PCNX2: variants seen among roughly 807,000 people sequenced by gnomAD.
PCNX2 encodes the protein pecanex 2.
A neutral mutation model predicts 223.8 loss-of-function variants in PCNX2; 168 were observed. The ratio of observed to expected loss-of-function variants is 0.75; its 90% confidence interval spans 0.66 to 0.85. The LOEUF (loss-of-function observed/expected upper bound fraction) is 0.85. Ranked by LOEUF, PCNX2 falls within the 40% of genes least tolerant of loss-of-function variation. The pLI is 0.00. For synonymous variants in PCNX2, 1,006 were observed against 1,052.6 expected, an observed-to-expected ratio of 0.96 and a Z score of 0.86; for missense variants, 2,507 against 2,675.5, an observed-to-expected ratio of 0.94 and a Z score of 1.39.
intron 17 of PCNX2, among the ~76,000 whole-genome samples, chr1:233,173,360 T>G (rs1679274419): frequency 6.6e-6 from 1 of 152,168 alleles, no homozygotes; most frequent in African/African-American, 2.4e-5. Context: ...GAGATGGGGT[T>G]TCACCATGTT....
intron 1 of PCNX2, among the ~76,000 whole-genome samples, chr1:233,267,961 G>C (rs905651733): frequency 5.3e-5 from 8 of 152,086 alleles, no homozygotes; most frequent in Admixed American, 5.2e-4. Context: ...GTTCAGGCTG[G>C]AGTGCAGTGG....
chr1:233,186,734 T>G (rs566135568), intron 15 of PCNX2, among the ~76,000 whole-genome samples: 3 of 152,196 alleles, frequency 2.0e-5, no homozygotes, highest in Non-Finnish European at 4.4e-5. Context: ...TTTTCTTCAT[T>G]TTGGTGAAAA....
intron 21 of PCNX2, among the ~76,000 whole-genome samples, chr1:233,102,305 T>C (rs1674531031): frequency 1.3e-5 from 2 of 152,196 alleles, no homozygotes; most frequent in African/African-American, 4.8e-5. Context: ...GTTGATTCCA[T>C]ATTTTGGCTG....
chr1:233,140,097 TTGATTTCTTCATATATAATTTACTGA>T (rs1677021098), intron 19 of PCNX2, among the ~76,000 whole-genome samples: 1 of 28,940 alleles, frequency 3.5e-5, no homozygotes, highest in East Asian at 9.8e-4. Context: ...TTCAAGTCAA[TTGATTTCTTCATATATAATTTACTGA>T]GACCAATGAA....
intron 28 of PCNX2, among the ~76,000 whole-genome samples, chr1:233,010,286 C>T (rs2102810799): frequency 6.6e-6 from 1 of 152,326 alleles, no homozygotes; most frequent in Admixed American, 6.5e-5. Flanking sequence ...ATGGAGTGAC[C>T]TCAGACCACA....
At chr1:233,263,675 C>T (rs1435173471) in intron 1 of PCNX2, among the ~76,000 whole-genome samples, 2 of 152,006 alleles carry the variant, frequency 1.3e-5, no homozygotes, top group African/African-American at 4.8e-5. Flanking sequence ...AGGCTGGTCT[C>T]GAACTCCTGA....
intron 20 of PCNX2, among the ~76,000 whole-genome samples, chr1:233,138,484 T>C (rs1468500192): frequency 1.3e-5 from 2 of 152,164 alleles, no homozygotes; most frequent in African/African-American, 4.8e-5. Flanking sequence ...TGTGTTCCCA[T>C]TCGAGAAACT....
At chr1:233,158,277 C>G (rs1359003234) in intron 19 of PCNX2, among the ~76,000 whole-genome samples, 2 of 152,204 alleles carry the variant, frequency 1.3e-5, no homozygotes, top group Non-Finnish European at 2.9e-5. Context: ...CAAGTCTAAT[C>G]TGTCTCATTT....
chr1:233,182,406 C>G (rs752157456), intron 15 of PCNX2, among the ~76,000 whole-genome samples: 18 of 152,068 alleles, frequency 1.2e-4, no homozygotes, highest in Non-Finnish European at 2.6e-4. Flanking sequence ...TTAATGCTTC[C>G]TAATGGGGAC....
At chr1:233,040,577 C>T (rs1476881551) in intron 25 of PCNX2, among the ~76,000 whole-genome samples, 1 of 152,142 alleles carries the variant, frequency 6.6e-6, no homozygotes, top group East Asian at 1.9e-4. Context: ...TGCTCTCAGA[C>T]CATTCTCTCA....
intron 21 of PCNX2, among the ~76,000 whole-genome samples, chr1:233,100,966 C>T (rs1210413306): frequency 6.6e-6 from 1 of 152,128 alleles, no homozygotes; most frequent in South Asian, 2.1e-4. Flanking sequence ...TTGAACTTAA[C>T]GGGGTATACA....
chr1:233,224,536 T>C (rs953684978), intron 10 of PCNX2, among the ~76,000 whole-genome samples: 2 of 152,228 alleles, frequency 1.3e-5, no homozygotes, highest in African/African-American at 4.8e-5. Context: ...GCCTAGCTCT[T>C]ACAGTTTGTT....
At chr1:233,083,761 T>G (rs919110717) in intron 23 of PCNX2, among the ~76,000 whole-genome samples, 1 of 152,110 alleles carries the variant, frequency 6.6e-6, no homozygotes, top group African/African-American at 2.4e-5. Context: ...GGCCCAGGTA[T>G]CAAAATAAAC....
intron 15 of PCNX2, among the ~76,000 whole-genome samples, chr1:233,193,622 A>G (rs1339557662): frequency 1.3e-5 from 2 of 152,228 alleles, no homozygotes; most frequent in African/African-American, 4.8e-5. Context: ...AACAAGAAAA[A>G]GCCAGATAAT....
At chr1:233,181,199 CT>C (rs555797913) in intron 15 of PCNX2, 1,931 of 135,594 alleles carry the variant, frequency 0.014, 31 homozygotes, top group African/African-American at 0.045. Flanking sequence ...AAGTTGCTGA[CT>C]TTTTTTTTTT....
At chr1:233,224,284 A>C (rs1657566517) in intron 10 of PCNX2, among the ~76,000 whole-genome samples, 1 of 152,236 alleles carries the variant, frequency 6.6e-6, no homozygotes, top group Non-Finnish European at 1.5e-5. Context: ...GAATATAAGT[A>C]AGGAGAATAG....
At chr1:233,233,027 G>C in intron 9 of PCNX2, 1 of 985,364 alleles carries the variant, frequency 1.0e-6, no homozygotes, top group African/African-American at 1.7e-5. Context: ...GGAAAATGCT[G>C]TATTCCTACA....
At chr1:233,318,777 G>T in the PCNX2 span, among the ~76,000 whole-genome samples, 1 of 151,938 alleles carries the variant, frequency 6.6e-6, no homozygotes, top group Non-Finnish European at 1.5e-5. Flanking sequence ...ATGTTGACCA[G>T]GCTGGTCTCA....
chr1:233,037,819 G>A (rs952382571), intron 25 of PCNX2, among the ~76,000 whole-genome samples: 1 of 152,200 alleles, frequency 6.6e-6, no homozygotes, highest in Non-Finnish European at 1.5e-5. Context: ...CAGGAATAAA[G>A]TTTTTTCTGT....
Sources: allele counts gnomAD v4.1 joint callset (sites outside exome capture counted in the v4.1 genomes callset), GRCh38; gene constraint gnomAD v4.1.1; transcripts MANE v1.5; gene names NCBI Gene and HGNC (gene_info 2026-07-23, HGNC 2026-07-21).